MBD5: variants seen among roughly 807,000 people sequenced by gnomAD.
The protein encoded by MBD5 is methyl-CpG binding domain protein 5.
A neutral mutation model predicts 117.3 loss-of-function variants in MBD5; 13 were observed. The observed-to-expected ratio is 0.11, with a 90% confidence interval of 0.07 to 0.18. The LOEUF (loss-of-function observed/expected upper bound fraction) is 0.18, where lower values mean the gene tolerates loss of function less well. Ranked by LOEUF, MBD5 falls within the 10% of genes least tolerant of loss-of-function variation. MBD5 has a pLI of 1.00. For missense variants in MBD5, 1,879 were observed against 2,093.8 expected (o/e 0.90, Z 2.00); for synonymous variants, 727 against 766.4 (o/e 0.95, Z 0.85).
chr2:148,431,516 A>G (rs1274098506), intron 4 of MBD5, among the ~76,000 whole-genome samples: 1 of 151,774 alleles, frequency 6.6e-6, no homozygotes, highest in Non-Finnish European at 1.5e-5. Flanking sequence ...CCTGATAGGT[A>G]TTTTTTCTGA....
chr2:148,382,943 C>G (rs1441658294), intron 4 of MBD5, among the ~76,000 whole-genome samples: 1 of 151,176 alleles, frequency 6.6e-6, no homozygotes, highest in Non-Finnish European at 1.5e-5. Context: ...ATCTCTGGGA[C>G]ACATTCAAAG....
chr2:148,339,804 G>A (rs921812880), intron 3 of MBD5, among the ~76,000 whole-genome samples: 1 of 151,894 alleles, frequency 6.6e-6, no homozygotes, highest in Non-Finnish European at 1.5e-5. Flanking sequence ...TATTTTAAAG[G>A]TACTAGTGTT....
At chr2:148,183,541 A>G (rs1698579200) in intron 2 of MBD5, among the ~76,000 whole-genome samples, 2 of 151,682 alleles carry the variant, frequency 1.3e-5, no homozygotes, top group South Asian at 4.2e-4. Context: ...AATTGGATGT[A>G]TATATATCTC....
chr2:148,027,621 G>A (rs1693934953), intron 1 of MBD5: 1 of 152,002 alleles, frequency 6.6e-6, no homozygotes, highest in Non-Finnish European at 1.5e-5. Context: ...GGATTTTGAG[G>A]TTAGGGATGT....
At chr2:148,162,650 G>C (rs1180152973) in intron 1 of MBD5, among the ~76,000 whole-genome samples, 1 of 151,786 alleles carries the variant, frequency 6.6e-6, no homozygotes, top group African/African-American at 2.4e-5. Context: ...GGTGTTACAT[G>C]GTCACTTATT....
At chr2:148,341,236 T>A (rs1702939255) in intron 3 of MBD5, among the ~76,000 whole-genome samples, 1 of 152,014 alleles carries the variant, frequency 6.6e-6, no homozygotes, top group Non-Finnish European at 1.5e-5. Context: ...TCCATATAGG[T>A]GTGTGATACT....
At chr2:148,491,671 G>C (rs1188434540) in intron 11 of MBD5, among the ~76,000 whole-genome samples, 3 of 151,862 alleles carry the variant, frequency 2.0e-5, no homozygotes, top group Non-Finnish European at 4.4e-5. Flanking sequence ...ATATATACTT[G>C]TCAGGATACA....
At chr2:148,397,530 C>CA (rs1248356043) in intron 4 of MBD5, among the ~76,000 whole-genome samples, 5 of 152,032 alleles carry the variant, frequency 3.3e-5, no homozygotes, top group Non-Finnish European at 7.4e-5. Context: ...AGGGTTTCAC[C>CA]ATGTTAGCCA....
chr2:148,042,003 G>T (rs1032885780), intron 1 of MBD5, among the ~76,000 whole-genome samples: 1 of 152,146 alleles, frequency 6.6e-6, no homozygotes, highest in Non-Finnish European at 1.5e-5. Context: ...GGAGAGAAAA[G>T]CTCTGGCCAC....
intron 4 of MBD5, among the ~76,000 whole-genome samples, chr2:148,410,597 A>T (rs1705220297): frequency 6.6e-6 from 1 of 151,986 alleles, no homozygotes; most frequent in Non-Finnish European, 1.5e-5. Context: ...CACCTAGCTA[A>T]CTTTGGTATT....
At position 148,489,850 on chromosome 2, in the gene MBD5, G is replaced by A. The variant is rs1014000010; in HGVS notation, c.4218G>A (p.Gly1406=). The A allele has an allele frequency of 3.1e-6, 5 of 1,614,080 alleles. No homozygotes were observed. In the Admixed American group the frequency reaches 5.0e-5, roughly 16 times the overall value. The change falls in exon 11 of 14, where the codon GGG becomes GGA. Residue 1406 remains glycine (G), a synonymous_variant. Transcript: ENST00000642680. ...GGCTGCCCAAGAATCTAGACCATGG[G>A]AAAAATGTGAACGAAGGAGATGGGT... ...GARLPKNLDH[G]KNVNEGDGFE...
rs370659853 is a variant in MBD5, at chr2:148,490,226, C to T, written c.4594C>T (p.Arg1532Trp). Residue 1532 changes from arginine (R) to tryptophan (W), a missense_variant, in exon 11 of 14, where the codon CGG becomes TGG. Arg to Trp is a moderately radical substitution (Grantham distance 101, BLOSUM62 -3). Coordinates refer to ENST00000642680, the MANE Select transcript of MBD5 (RefSeq NM_001378120.1). ...HINGNRPRQS[R>W]GFGELLSTAK... is the part of the protein sequence containing the mutation. ...AAATGGGAATAGACCTCGACAGAGT[C>T]GGGGATTTGGAGAGCTGCTAAGCAC... 14 of 1,614,010 alleles carry T rather than the reference C, an allele frequency of 8.7e-6. No homozygotes were observed. The highest frequency in any genetic ancestry group is 2.2e-5 in the East Asian group (1 of 44,888).
At chr2:148,118,617 T>G (rs1400972851) in intron 1 of MBD5, among the ~76,000 whole-genome samples, 1 of 151,794 alleles carries the variant, frequency 6.6e-6, no homozygotes, top group African/African-American at 2.4e-5. Flanking sequence ...CTATTAAAAT[T>G]CATCATTTTG....
chr2:148,096,603 G>A (rs781254887), intron 1 of MBD5, among the ~76,000 whole-genome samples: 3 of 152,058 alleles, frequency 2.0e-5, no homozygotes, highest in Admixed American at 6.6e-5. Flanking sequence ...ATTGTTCTGC[G>A]AATTAAAACC....
At chr2:148,132,140 TA>T (rs2105474473) in intron 1 of MBD5, among the ~76,000 whole-genome samples, 1 of 152,194 alleles carries the variant, frequency 6.6e-6, no homozygotes, top group East Asian at 1.9e-4. Flanking sequence ...TTAAATGAGA[TA>T]ATCTACTGAG....
chr2:148,291,134 T>C (rs964984355), intron 3 of MBD5, among the ~76,000 whole-genome samples: 2 of 152,174 alleles, frequency 1.3e-5, no homozygotes, highest in Non-Finnish European at 2.9e-5. Context: ...GAAGTAAGAG[T>C]CCTCCAATTT....
intron 1 of MBD5, among the ~76,000 whole-genome samples, chr2:148,048,585 A>G (rs1180196109): frequency 6.6e-6 from 1 of 152,188 alleles, no homozygotes; most frequent in East Asian, 1.9e-4. Flanking sequence ...TGAAGAATGA[A>G]GAGCAGTTTG....
chr2:148,387,544 G>T (rs1203445261), intron 4 of MBD5, among the ~76,000 whole-genome samples: 2 of 151,882 alleles, frequency 1.3e-5, no homozygotes, highest in Non-Finnish European at 2.9e-5. Flanking sequence ...GAACAGAAAA[G>T]AAATACAAAG....
intron 1 of MBD5, chr2:148,044,694 TC>T (rs1694466616): frequency 6.6e-6 from 1 of 152,186 alleles, no homozygotes; most frequent in Non-Finnish European, 1.5e-5. Context: ...TTAATGTTTA[TC>T]TGTGTCTTTC....
Sources: allele counts gnomAD v4.1 joint callset (sites outside exome capture counted in the v4.1 genomes callset), GRCh38; gene constraint gnomAD v4.1.1; transcripts MANE v1.5; gene names NCBI Gene and HGNC (gene_info 2026-07-23, HGNC 2026-07-21).